The following UGT1A9 variants were observed in gnomAD, a reference collection of about 807,000 sequenced individuals.
The protein encoded by UGT1A9 is UDP glucuronosyltransferase family 1 member A9.
Under a neutral mutation model 45.0 loss-of-function variants are expected in UGT1A9, and 35 were observed. The ratio of observed to expected loss-of-function variants is 0.78; its 90% CI spans 0.59 to 1.03. The LOEUF is 1.03. Among genes scored for constraint, UGT1A9 ranks in the 50% least tolerant of loss-of-function variants. The pLI, the probability that UGT1A9 is intolerant of heterozygous loss-of-function variation, is 0.00. For missense variants in UGT1A9, 687 were observed against 666.6 expected (o/e 1.03, Z -0.34); for synonymous variants, 278 against 250.6 (o/e 1.11, Z -1.03).
chr2:233,744,202 G>A (rs982618462), intron 1 of UGT1A9, among the ~76,000 whole-genome samples: 3 of 151,822 alleles, frequency 2.0e-5, no homozygotes, highest in Non-Finnish European at 4.4e-5. Flanking sequence ...AAAAAGGATG[G>A]GAAAAAGAGG....
intron 1 of UGT1A9, chr2:233,761,084 G>A: frequency 6.2e-7 from 1 of 1,614,126 alleles, no homozygotes; most frequent in Non-Finnish European, 8.5e-7. Context: ...GATTACCCTA[G>A]GCCCATCATG....
chr2:233,757,535 A>AATATATATACATATACATATATACAT (rs376887521), intron 1 of UGT1A9, among the ~76,000 whole-genome samples: 3 of 88,312 alleles, frequency 3.4e-5, no homozygotes, highest in African/African-American at 1.5e-4. Context: ...GCCTGTAAGG[A>AATATATATACATATACATATATACAT]ATATATATAT....
intron 1 of UGT1A9, chr2:233,717,949 A>C: frequency 2.2e-6 from 1 of 452,294 alleles, no homozygotes; most frequent in South Asian, 1.6e-5. Context: ...GCAGACTTGC[A>C]GAAGACTGGA....
chr2:233,728,280 T>C (rs2077695615), intron 1 of UGT1A9, among the ~76,000 whole-genome samples: 1 of 152,156 alleles, frequency 6.6e-6, no homozygotes, highest in Non-Finnish European at 1.5e-5. Flanking sequence ...GCCTTCGGCA[T>C]TCAGAAGAGG....
chr2:233,772,103 A>G (rs1436143050), intron 4 of UGT1A9, among the ~76,000 whole-genome samples, 159 bp from the exon 5 acceptor site: 1 of 152,162 alleles, frequency 6.6e-6, no homozygotes, highest in East Asian at 1.9e-4. Context: ...ACAGGGCAAG[A>G]CTCTGTATCT....
At chr2:233,757,944 T>C (rs1201251132) in intron 1 of UGT1A9, among the ~76,000 whole-genome samples, 1 of 152,112 alleles carries the variant, frequency 6.6e-6, no homozygotes, top group Non-Finnish European at 1.5e-5. Context: ...ACCATCATAT[T>C]GCTGCCCTGC....
chr2:233,725,194 A>G (rs1187550502), intron 1 of UGT1A9, among the ~76,000 whole-genome samples: 1 of 93,184 alleles, frequency 1.1e-5, no homozygotes. Context: ...GCAGAGGCAG[A>G]GGCAGAGGCA....
chr2:233,690,538 C>T lies in UGT1A9; in HGVS notation c.855+17749C>T, dbSNP rs960345669. The T allele has an allele frequency of 2.4e-5, 31 of 1,289,752 alleles. 1 individual carries two copies. In the South Asian group the frequency reaches 3.7e-4, roughly 15 times the overall value. The allele number at this position is 1,289,752 out of a possible 1,614,324, so 79.9% of individuals were successfully genotyped here. A position where few individuals can be genotyped will look rare whatever the true frequency, so the allele number is the denominator to read the frequency against. Reference sequence around the variant, plus strand: ...ATCTTAGGATCTACTTCTTTCACCCCACTGGAATATGTCCCAAGCCTGAGT... The same window carrying T: ...ATCTTAGGATCTACTTCTTTCACCCTACTGGAATATGTCCCAAGCCTGAGT... On this transcript the variant is annotated intron_variant, in intron 1 of 4. Coordinates refer to ENST00000354728, the MANE Select transcript of UGT1A9 (RefSeq NM_021027.3).
chr2:233,683,245 GT>G (rs555678771), intron 1 of UGT1A9, among the ~76,000 whole-genome samples: 1 of 151,912 alleles, frequency 6.6e-6, no homozygotes, highest in Non-Finnish European at 1.5e-5. Context: ...TGCTGGCTAT[GT>G]TTTTTTATGT....
At chr2:233,681,306 G>A (rs2074517814) in intron 1 of UGT1A9, among the ~76,000 whole-genome samples, 1 of 151,922 alleles carries the variant, frequency 6.6e-6, no homozygotes, top group Non-Finnish European at 1.5e-5. Flanking sequence ...GGCCGAGATG[G>A]GCAGATTGCC....
intron 1 of UGT1A9, among the ~76,000 whole-genome samples, chr2:233,684,934 AGT>A (rs1284921630): frequency 1.3e-5 from 2 of 148,296 alleles, no homozygotes; most frequent in Non-Finnish European, 3.0e-5. Context: ...CAGGATTCAT[AGT>A]CTGCATTTCA....
At chr2:233,688,015 A>G (rs2074874910) in intron 1 of UGT1A9, among the ~76,000 whole-genome samples, 1 of 152,242 alleles carries the variant, frequency 6.6e-6, no homozygotes, top group Admixed American at 6.5e-5. Flanking sequence ...GATACAATCA[A>G]CCATCACCAA....
intron 1 of UGT1A9, chr2:233,713,575 C>G (rs1324933073): frequency 6.2e-7 from 1 of 1,613,966 alleles, no homozygotes. Context: ...TCCTATATTC[C>G]TAGATTACTA....
intron 1 of UGT1A9, among the ~76,000 whole-genome samples, chr2:233,697,142 G>T (rs537763582): frequency 1.3e-5 from 2 of 152,092 alleles, no homozygotes; most frequent in East Asian, 3.9e-4. Flanking sequence ...GTAATAGTTT[G>T]AGTGGAACTG....
At chr2:233,709,236 C>T (rs1559356287) in intron 1 of UGT1A9, among the ~76,000 whole-genome samples, 1 of 152,028 alleles carries the variant, frequency 6.6e-6, no homozygotes, top group Non-Finnish European at 1.5e-5. Flanking sequence ...GAGGGGTGGC[C>T]GCTGGGATGA....
intron 1 of UGT1A9, among the ~76,000 whole-genome samples, chr2:233,736,165 G>T (rs533285485): frequency 6.6e-6 from 1 of 152,206 alleles, no homozygotes; most frequent in Non-Finnish European, 1.5e-5. Flanking sequence ...CGTAGATTTG[G>T]TCTTTCCACA....
intron 1 of UGT1A9, among the ~76,000 whole-genome samples, chr2:233,675,275 G>A (rs902113953): frequency 2.6e-5 from 4 of 152,122 alleles, no homozygotes; most frequent in African/African-American, 2.4e-5. Context: ...ATTCCGTGTG[G>A]TCATTCTTTT....
At position 233,747,626 on chromosome 2, in the gene UGT1A9, C is replaced by G. The variant is rs546895525; in HGVS notation, c.856-19408C>G. 8.9e-6 allele frequency: 14 copies of G among 1,577,506 alleles called. No homozygotes were observed. The African/African-American group carries it at 1.8e-4, about 20-fold the overall frequency. ...AGCTACTGCATAATGAGGCCCTGAT[C>G]AGGCACCTGAATGCTACTTCCTTCG... On this transcript the variant is annotated intron_variant, in intron 1 of 4. Coordinates refer to ENST00000354728, the MANE Select transcript of UGT1A9 (RefSeq NM_021027.3).
At chr2:233,691,254 C>T in intron 1 of UGT1A9, 2 of 985,546 alleles carry the variant, frequency 2.0e-6, no homozygotes, top group Non-Finnish European at 2.4e-6. Flanking sequence ...GAACTCAAAG[C>T]AAGATGCTGC....
Sources: gnomAD v4.1 joint callset for allele counts (sites outside exome capture counted in the v4.1 genomes callset) on GRCh38, gnomAD v4.1.1 for gene constraint, MANE v1.5 for transcripts, NCBI Gene and HGNC (gene_info 2026-07-23, HGNC 2026-07-21) for gene names.